CPED1: variants seen among roughly 807,000 people sequenced by gnomAD.
The protein encoded by CPED1 is cadherin-like and PC-esterase domain-containing protein 1.
A neutral mutation model predicts 128.2 loss-of-function variants in CPED1; 114 were observed. The ratio of observed to expected loss-of-function variants is 0.89; its 90% CI spans 0.76 to 1.04. CPED1 has a LOEUF of 1.04. Among genes scored for constraint, CPED1 ranks in the 50% least tolerant of loss-of-function variants. The probability of loss-of-function intolerance (pLI) is 0.00; values close to 1 mark genes in which losing one functional copy is unlikely to be tolerated. For synonymous variants in CPED1, 462 were observed against 426.7 expected (o/e 1.08, Z -1.02); for missense variants, 1,211 against 1,207.1 (o/e 1.00, Z -0.05).
chr7:121,034,142 A>G (rs1334231453), intron 3 of CPED1, among the ~76,000 whole-genome samples: 2 of 152,116 alleles, frequency 1.3e-5, no homozygotes, highest in East Asian at 1.9e-4. Flanking sequence ...GTCATATTAT[A>G]TACTCAAGTA....
At chr7:121,097,544 A>T (rs968415976) in intron 5 of CPED1, among the ~76,000 whole-genome samples, 155 bp from the exon 6 acceptor site, 3 of 152,224 alleles carry the variant, frequency 2.0e-5, no homozygotes, top group Admixed American at 2.0e-4. Flanking sequence ...ATATGCATTC[A>T]TACTTAGTGG....
At chr7:121,275,404 A>G (rs1792310740) in intron 22 of CPED1, among the ~76,000 whole-genome samples, 1 of 152,140 alleles carries the variant, frequency 6.6e-6, no homozygotes, top group Admixed American at 6.5e-5. Context: ...ACATAGGACA[A>G]CAAACAGGAT....
intron 5 of CPED1, among the ~76,000 whole-genome samples, chr7:121,079,874 G>A (rs1255939270): frequency 3.3e-5 from 5 of 152,170 alleles, no homozygotes; most frequent in African/African-American, 1.2e-4. Flanking sequence ...TGTGCCAAAT[G>A]CCACTAGAAA....
rs572646224 is a variant in CPED1, at chr7:121,215,202, C to A, written c.2056-21512C>A. On this transcript the variant is annotated intron_variant, in intron 16 of 22. Transcript: ENST00000310396. ...ATTCCAGTGAAGCCTAGTGTCCCAG[C>A]TCCATCCTTTTGGCTCTGTTTGATG... Among the ~76,000 whole-genome samples, 18 of 152,126 alleles carry A rather than the reference C, an allele frequency of 1.2e-4. No individual in the cohort carries two copies. In the East Asian group the frequency reaches 3.1e-3, roughly 26 times the overall value.
At chr7:121,140,762 A>G (rs1795882951) in intron 14 of CPED1, 65 bp from the exon 15 acceptor site, 3 of 1,140,604 alleles carry the variant, frequency 2.6e-6, no homozygotes, top group African/African-American at 1.6e-5. Context: ...ACCTAATCAT[A>G]TATTATTTAA....
chr7:121,069,117 CTT>C (rs1229346067), intron 5 of CPED1, among the ~76,000 whole-genome samples: 2 of 152,050 alleles, frequency 1.3e-5, no homozygotes, highest in East Asian at 3.8e-4. Context: ...ATATAAATAT[CTT>C]TGAAAAGCTA....
intron 16 of CPED1, among the ~76,000 whole-genome samples, chr7:121,177,280 A>G (rs1388327423): frequency 6.6e-6 from 1 of 151,902 alleles, no homozygotes; most frequent in Non-Finnish European, 1.5e-5. Context: ...CCTAACTTCA[A>G]GGATTCAATG....
At chr7:121,254,873 T>C (rs1798767022) in intron 18 of CPED1, among the ~76,000 whole-genome samples, 1 of 151,260 alleles carries the variant, frequency 6.6e-6, no homozygotes, top group Non-Finnish European at 1.5e-5. Flanking sequence ...AAATTTTGAA[T>C]AGACCAATAT....
chr7:121,222,090 T>G (rs1373811901), intron 16 of CPED1, among the ~76,000 whole-genome samples: 1 of 152,180 alleles, frequency 6.6e-6, no homozygotes, highest in Non-Finnish European at 1.5e-5. Flanking sequence ...TGGTTTTAGG[T>G]CTAACATTTA....
chr7:121,207,987 A>G (rs969876284), intron 16 of CPED1, among the ~76,000 whole-genome samples: 5 of 151,902 alleles, frequency 3.3e-5, no homozygotes, highest in Admixed American at 6.6e-5. Context: ...GACTTTCATC[A>G]TCTTTCCCCT....
At chr7:121,256,124 C>CAAAAAAAAAA (rs1333114209) in intron 18 of CPED1, among the ~76,000 whole-genome samples, 1 of 45,364 alleles carries the variant, frequency 2.2e-5, no homozygotes, top group Non-Finnish European at 5.2e-5. Context: ...AAAAAAAAAA[C>CAAAAAAAAAA]AAAACAAAAA....
intron 5 of CPED1, among the ~76,000 whole-genome samples, chr7:121,087,096 C>T (rs929577421): frequency 6.6e-6 from 1 of 152,200 alleles, no homozygotes; most frequent in Non-Finnish European, 1.5e-5. Flanking sequence ...ACTCAATCCC[C>T]TCTCCACCCA....
rs10273038 is a variant in CPED1 at position 121,010,693 on chromosome 7, T to C, written c.250-4972T>C. ...ACGGTTTGGGAGTACAGTCAGAAGA[T>C]GCTCAGTGATCTGGAGTAGTTCTGA... On this transcript the variant is annotated intron_variant, in intron 2 of 22. Transcript: ENST00000310396. Among the ~76,000 whole-genome samples, 1,202 of 152,336 alleles carry C rather than the reference T, an allele frequency of 7.9e-3. 12 individuals carry two copies. Among genetic ancestry groups the C allele is most frequent in the African/African-American group, 0.027 (1,131 of 41,572 alleles).
chr7:121,157,457 A>G (rs1796313836), intron 16 of CPED1, among the ~76,000 whole-genome samples: 1 of 152,164 alleles, frequency 6.6e-6, no homozygotes. Context: ...GGGTGTGAGC[A>G]ACGGGGTGTG....
intron 10 of CPED1, among the ~76,000 whole-genome samples, chr7:121,127,621 C>T (rs758695794): frequency 1.4e-4 from 21 of 150,996 alleles, no homozygotes; most frequent in Admixed American, 6.6e-4. Flanking sequence ...CTGCAACCTC[C>T]GCCTCCTGGG....
chr7:121,252,007 T>C (rs1267141340), intron 18 of CPED1, among the ~76,000 whole-genome samples: 1 of 151,504 alleles, frequency 6.6e-6, no homozygotes, highest in African/African-American at 2.4e-5. Flanking sequence ...CATTGCCAAG[T>C]CAATCCTAAG....
rs570378152 is a variant in CPED1 at position 121,125,566 on chromosome 7, T to C, written c.1062-254T>C. ...ATGAGTGAGAACATGCAACGTTTGGTTTTCTGTTCCTGGGTTAGTTTGCTG... is the reference window on the plus strand; with the variant it reads ...ATGAGTGAGAACATGCAACGTTTGGCTTTCTGTTCCTGGGTTAGTTTGCTG... On this transcript the variant is annotated intron_variant, in intron 8 of 22. Coordinates refer to ENST00000310396, the MANE Select transcript of CPED1 (RefSeq NM_024913.5). Among the ~76,000 whole-genome samples, 5 of 152,192 alleles carry C rather than the reference T, an allele frequency of 3.3e-5. 1 individual carries two copies. Among genetic ancestry groups the C allele is most frequent in the African/African-American group, 1.2e-4 (5 of 41,526 alleles).
intron 16 of CPED1, among the ~76,000 whole-genome samples, chr7:121,215,871 G>A (rs1311481074): frequency 3.3e-5 from 5 of 151,968 alleles, no homozygotes; most frequent in South Asian, 2.1e-4. Context: ...GGCCAAGCAA[G>A]TATTAAGTGG....
chr7:121,131,328 G>T (rs959193807), intron 12 of CPED1, among the ~76,000 whole-genome samples: 2 of 151,926 alleles, frequency 1.3e-5, no homozygotes, highest in African/African-American at 4.8e-5. Context: ...GAAGTAGTAG[G>T]CCCAGCAGAA....
Sources: allele counts gnomAD v4.1 joint callset (sites outside exome capture counted in the v4.1 genomes callset), GRCh38; gene constraint gnomAD v4.1.1; transcripts MANE v1.5; gene names NCBI Gene and HGNC (gene_info 2026-07-23, HGNC 2026-07-21).